Variants in CHIC1 observed in about 807,000 individuals in gnomAD.
CHIC1 encodes the protein cysteine-rich hydrophobic domain-containing protein 1.
Under a neutral mutation model 18.5 loss-of-function variants are expected in CHIC1, and 7 were observed. That is an observed-to-expected ratio of 0.38 (90% CI 0.22 to 0.71). The LOEUF (loss-of-function observed/expected upper bound fraction) is 0.71. Among genes scored for constraint, CHIC1 ranks in the 30% least tolerant of loss-of-function variants. The pLI is 0.49. For missense variants in CHIC1, 159 were observed against 176.9 expected (o/e 0.90, Z 0.57); for synonymous variants, 77 against 73.5 (o/e 1.05, Z -0.25).
intron 1 of CHIC1, among the ~76,000 whole-genome samples, chrX:73,576,586 C>G (rs2057500587): frequency 9.0e-6 from 1 of 110,622 alleles, no homozygotes; most frequent in Non-Finnish European, 1.9e-5. Context: ...TTATTGGTAG[C>G]TGTTACTGTT....
At chrX:73,643,971 G>T (rs2057873286) in intron 3 of CHIC1, among the ~76,000 whole-genome samples, 1 of 111,715 alleles carries the variant, frequency 9.0e-6, no homozygotes, top group Admixed American at 9.5e-5. Flanking sequence ...CAGTTTTTCT[G>T]CTCTGTTTTT....
At chrX:73,643,781 C>T (rs1198010461) in intron 3 of CHIC1, among the ~76,000 whole-genome samples, 1 of 111,246 alleles carries the variant, frequency 9.0e-6, no homozygotes, top group Non-Finnish European at 1.9e-5. Context: ...AATTTTTTTT[C>T]AAAGTTTTTA....
At chrX:73,596,473 A>G (rs990891981) in intron 3 of CHIC1, among the ~76,000 whole-genome samples, 6 of 111,924 alleles carry the variant, frequency 5.4e-5, no homozygotes, top group Admixed American at 3.8e-4. Context: ...TATAGATTCA[A>G]TGATATCCCC....
intron 3 of CHIC1, among the ~76,000 whole-genome samples, chrX:73,675,325 T>G (rs1004325946): frequency 1.8e-5 from 2 of 111,400 alleles, no homozygotes; most frequent in Non-Finnish European, 3.8e-5. Context: ...AATGTTGACA[T>G]TGGGGTGTTA....
At chrX:73,671,415 C>T (rs192567266) in intron 3 of CHIC1, among the ~76,000 whole-genome samples, 5 of 112,070 alleles carry the variant, frequency 4.5e-5, no homozygotes, top group African/African-American at 1.3e-4. Flanking sequence ...AACTCCCACA[C>T]GTCAAAAATT....
intron 3 of CHIC1, among the ~76,000 whole-genome samples, chrX:73,589,001 T>C (rs1212451576): frequency 1.8e-5 from 2 of 110,441 alleles, no homozygotes; most frequent in Non-Finnish European, 3.8e-5. Context: ...AAACTTTTGG[T>C]CTTGTTCATT....
chrX:73,648,863 T>A (rs1216389729), intron 3 of CHIC1, among the ~76,000 whole-genome samples: 1 of 111,039 alleles, frequency 9.0e-6, no homozygotes. Context: ...TACTAAGATA[T>A]TTCATGAGAA....
intron 3 of CHIC1, among the ~76,000 whole-genome samples, chrX:73,591,358 G>A (rs1351575495): frequency 1.8e-5 from 2 of 110,107 alleles, no homozygotes; most frequent in African/African-American, 6.6e-5. Context: ...AATTTCTGGA[G>A]GAGACTCTAG....
chrX:73,588,198 T>C (rs1333792007), intron 3 of CHIC1, among the ~76,000 whole-genome samples: 1 of 111,370 alleles, frequency 9.0e-6, no homozygotes, highest in Non-Finnish European at 1.9e-5. Context: ...GTTGTGTAAC[T>C]ATCACCATAA....
At chrX:73,580,207 G>A (rs1038797692) in intron 2 of CHIC1, among the ~76,000 whole-genome samples, 3 of 110,681 alleles carry the variant, frequency 2.7e-5, no homozygotes, top group Non-Finnish European at 5.7e-5. Context: ...AAAGGTAGTA[G>A]ACTGTTTTAA....
Position 73,681,143 on chromosome X carries a change from GTTGGTTTATGAAGAAAA to G in CHIC1, c.*141_*157del. ...TAGAATATTCTTCTCGCTCTTTTGT[GTTGGTTTATGAAGAAAA>G]TTTGCACATCTTTTTTGTCTTTCAA... is the stretch of plus-strand genomic sequence containing the variant. On this transcript the variant is annotated 3_prime_UTR_variant, in exon 6 of 6. Coordinates refer to ENST00000373502, the MANE Select transcript of CHIC1 (RefSeq NM_001039840.4). 2.3e-6 allele frequency: 1 copy of G among 442,359 alleles called. No individual in the cohort carries two copies. The highest frequency in any genetic ancestry group is 3.9e-6 in the Non-Finnish European group (1 of 258,253). The allele number at this position is 442,359 out of a possible 1,213,427, so 36.5% of individuals were successfully genotyped here.
intron 3 of CHIC1, among the ~76,000 whole-genome samples, chrX:73,613,683 C>G (rs1159346656): frequency 8.9e-6 from 1 of 111,804 alleles, no homozygotes; most frequent in African/African-American, 3.3e-5. Context: ...ATTCATTCAG[C>G]CAGTCTGTTT....
In CHIC1 at chrX:73,604,051, G is replaced by A. The variant is rs755625179; in HGVS notation, c.507+19479G>A. Reference sequence around the variant, plus strand: ...GTTAGGGAGGAGTCCTTCTTTTTCTGTTGTTTGGAATAATTTCAGAAGGAA... The same window carrying A: ...GTTAGGGAGGAGTCCTTCTTTTTCTATTGTTTGGAATAATTTCAGAAGGAA... On this transcript the variant is annotated intron_variant, in intron 3 of 5. Transcript: ENST00000373502. 2.1e-4 allele frequency among the ~76,000 whole-genome samples: 23 copies of A among 108,108 alleles called. 1 individual carries two copies. In the South Asian group the frequency reaches 8.1e-3, roughly 38 times the overall value. The allele number at this position is 108,108 out of a possible 115,157, so 93.9% of individuals were successfully genotyped here. A position where few individuals can be genotyped will look rare whatever the true frequency, so the allele number is the denominator to read the frequency against.
At chrX:73,679,738 A>T in intron 5 of CHIC1, 25 bp downstream of exon 5, 1 of 839,944 alleles carries the variant, frequency 1.2e-6, no homozygotes. Flanking sequence ...GTTTTTAATT[A>T]TTTTTTTATT....
At chrX:73,657,179 C>T (rs1456748590) in intron 3 of CHIC1, among the ~76,000 whole-genome samples, 2 of 108,650 alleles carry the variant, frequency 1.8e-5, no homozygotes, top group African/African-American at 6.7e-5. Context: ...CCCACCTCAG[C>T]CTCTGGAGCA....
intron 1 of CHIC1, among the ~76,000 whole-genome samples, chrX:73,572,107 C>T (rs1270038713): frequency 9.0e-6 from 1 of 111,233 alleles, no homozygotes; most frequent in Non-Finnish European, 1.9e-5. Flanking sequence ...CCTTACTCAC[C>T]TCCCTTCTTC....
intron 3 of CHIC1, among the ~76,000 whole-genome samples, chrX:73,592,678 C>T (rs190044418): frequency 2.7e-5 from 3 of 109,094 alleles, no homozygotes; most frequent in South Asian, 4.0e-4. Context: ...TTCATTGTGT[C>T]GTTGCCATAT....
chrX:73,648,580 T>A (rs765377866), intron 3 of CHIC1, among the ~76,000 whole-genome samples: 1 of 111,686 alleles, frequency 9.0e-6, no homozygotes, highest in African/African-American at 3.3e-5. Flanking sequence ...TACACAAGTA[T>A]CAACAGCTGA....
Position 73,681,221 on chromosome X carries a change from AC to A in CHIC1, c.*217del. ...GTTTTGCACTCTCAATTTTAAATAC[AC>A]ACACATGCGTGTGTGCATATACATA... On this transcript the variant is annotated 3_prime_UTR_variant, in exon 6 of 6. Coordinates refer to ENST00000373502, the MANE Select transcript of CHIC1 (RefSeq NM_001039840.4). 1 of 359,366 alleles carries A rather than the reference AC, an allele frequency of 2.8e-6. No individual in the cohort carries two copies. The highest frequency in any genetic ancestry group is 4.9e-5 in the East Asian group (1 of 20,503). The allele number at this position is 359,366 out of a possible 1,213,427, so 29.6% of individuals were successfully genotyped here. A position where few individuals can be genotyped will look rare whatever the true frequency, so the allele number is the denominator to read the frequency against.
Sources: gnomAD v4.1 joint callset for allele counts (sites outside exome capture counted in the v4.1 genomes callset) on GRCh38, gnomAD v4.1.1 for gene constraint, MANE v1.5 for transcripts, NCBI Gene and HGNC (gene_info 2026-07-23, HGNC 2026-07-21) for gene names.